The following DPP10 variants were observed in gnomAD, a reference collection of about 807,000 sequenced individuals.
DPP10 encodes inactive dipeptidyl peptidase 10.
Under a neutral mutation model 120.9 loss-of-function variants are expected in DPP10, and 33 were observed. That is an observed-to-expected ratio of 0.27 (90% CI 0.21 to 0.37). The LOEUF is 0.37. Among genes scored for constraint, DPP10 ranks in the 10% least tolerant of loss-of-function variants. DPP10 has a pLI of 1.00. For synonymous variants in DPP10, 337 were observed against 326.1 expected, an observed-to-expected ratio of 1.03 and a Z score of -0.36; for missense variants, 816 against 942.8, an observed-to-expected ratio of 0.87 and a Z score of 1.76.
At chr2:115,545,994 G>A (rs1051143718) in intron 5 of DPP10, among the ~76,000 whole-genome samples, 3 of 152,084 alleles carry the variant, frequency 2.0e-5, no homozygotes, top group Non-Finnish European at 4.4e-5. Flanking sequence ...TGCTAGTTCC[G>A]TTTCTATTTG....
chr2:115,462,424 C>T (rs928450256), intron 3 of DPP10, among the ~76,000 whole-genome samples: 9 of 152,198 alleles, frequency 5.9e-5, no homozygotes, highest in East Asian at 1.9e-4. Context: ...ATGTGAACTC[C>T]TAAAGTTTAA....
At chr2:115,010,725 C>A (rs908475246) in intron 1 of DPP10, among the ~76,000 whole-genome samples, 3 of 152,086 alleles carry the variant, frequency 2.0e-5, no homozygotes, top group Admixed American at 2.0e-4. Context: ...ATTTTATGAA[C>A]AAAATGTCTA....
At chr2:115,549,532 G>A (rs4849408) in intron 5 of DPP10, among the ~76,000 whole-genome samples, 28,416 of 151,856 alleles carry the variant, frequency 0.19, 3,336 homozygotes, top group East Asian at 0.39. Context: ...CCACTCCTTT[G>A]GTTTATTATA....
intron 7 of DPP10, among the ~76,000 whole-genome samples, chr2:115,712,265 G>A (rs988087978): frequency 6.6e-6 from 1 of 150,410 alleles, no homozygotes; most frequent in Non-Finnish European, 1.5e-5. Flanking sequence ...TAGCTCACAT[G>A]CATGGTTCAC....
intron 1 of DPP10, among the ~76,000 whole-genome samples, chr2:115,260,585 G>A (rs78404322): frequency 6.6e-5 from 10 of 152,312 alleles, no homozygotes; most frequent in Non-Finnish European, 1.2e-4. Context: ...GTTTCCTTGA[G>A]TGTAAGTTAC....
intron 1 of DPP10, among the ~76,000 whole-genome samples, chr2:114,772,216 G>A (rs1280398354): frequency 6.6e-6 from 1 of 151,766 alleles, no homozygotes; most frequent in Admixed American, 6.6e-5. Context: ...GGAGTGCAGT[G>A]GCATAATCTC....
intron 1 of DPP10, among the ~76,000 whole-genome samples, chr2:114,852,545 A>T (rs1425990292): frequency 2.6e-5 from 4 of 152,156 alleles, no homozygotes; most frequent in African/African-American, 9.7e-5. Flanking sequence ...TAAAGTACAC[A>T]AGAATGTGTG....
At chr2:115,119,018 G>A (rs1451073715) in intron 1 of DPP10, among the ~76,000 whole-genome samples, 2 of 152,134 alleles carry the variant, frequency 1.3e-5, no homozygotes, top group Non-Finnish European at 2.9e-5. Context: ...GGCAACTTGA[G>A]AAATCCAAGT....
At chr2:115,598,204 G>A (rs2083103191) in intron 5 of DPP10, among the ~76,000 whole-genome samples, 1 of 150,200 alleles carries the variant, frequency 6.7e-6, no homozygotes, top group Non-Finnish European at 1.5e-5. Context: ...TTTAATATTT[G>A]AACATAATCT....
At chr2:114,804,981 T>A (rs1003214100) in intron 1 of DPP10, among the ~76,000 whole-genome samples, 1 of 152,184 alleles carries the variant, frequency 6.6e-6, no homozygotes, top group Non-Finnish European at 1.5e-5. Context: ...CCACATGTTG[T>A]GGGAGGGACC....
chr2:114,601,075 A>G (rs1050174968), intron 1 of DPP10, among the ~76,000 whole-genome samples: 3 of 152,010 alleles, frequency 2.0e-5, no homozygotes, highest in South Asian at 4.1e-4. Context: ...AGCCTGTTAG[A>G]AACTTTTTCA....
At chr2:115,478,735 G>A (rs572212299) in intron 3 of DPP10, among the ~76,000 whole-genome samples, 1 of 152,146 alleles carries the variant, frequency 6.6e-6, no homozygotes, top group Admixed American at 6.5e-5. Flanking sequence ...ATAATTGATA[G>A]ACAAAGGAGT....
rs185810234 is a variant in DPP10 at position 115,392,764 on chromosome 2, T to C, written c.271+48852T>C. 1.2e-3 allele frequency among the ~76,000 whole-genome samples: 189 copies of C among 152,290 alleles called. 1 individual carries two copies. The Middle Eastern group carries it at 0.018, about 14-fold the overall frequency. ...TAAAATTGCATATAAATGCATTGTT[T>C]TAGACAGATTAATTCTTTATATTCA... On this transcript the variant is annotated intron_variant, in intron 3 of 25. Coordinates refer to ENST00000410059, the MANE Select transcript of DPP10 (RefSeq NM_020868.6).
chr2:115,235,590 C>G (rs1173338243), intron 1 of DPP10, among the ~76,000 whole-genome samples: 1 of 151,932 alleles, frequency 6.6e-6, no homozygotes, highest in Admixed American at 6.6e-5. Flanking sequence ...GAGACCGAGT[C>G]TCACTCTGTT....
intron 1 of DPP10, among the ~76,000 whole-genome samples, chr2:114,995,741 C>T (rs1276884278): frequency 1.3e-5 from 2 of 152,080 alleles, no homozygotes; most frequent in South Asian, 2.1e-4. Context: ...TTGTTTTACT[C>T]GTCTTTTAGT....
intron 1 of DPP10, among the ~76,000 whole-genome samples, chr2:114,804,907 G>A (rs933317423): frequency 3.9e-5 from 6 of 152,076 alleles, no homozygotes; most frequent in South Asian, 2.1e-4. Context: ...GGGCCAGGGC[G>A]GAATGATATA....
intron 1 of DPP10, among the ~76,000 whole-genome samples, chr2:115,113,014 A>C: frequency 6.6e-6 from 1 of 152,050 alleles, no homozygotes; most frequent in African/African-American, 2.4e-5. Context: ...AATTGATATA[A>C]GTTGTTTGCA....
intron 8 of DPP10, among the ~76,000 whole-genome samples, chr2:115,728,317 G>T (rs2092815418): frequency 6.7e-6 from 1 of 148,674 alleles, no homozygotes; most frequent in African/African-American, 2.5e-5. Context: ...TGCATAAAAA[G>T]CCACCTGATT....
At chr2:115,710,029 G>GAA (rs1275588970) in intron 7 of DPP10, among the ~76,000 whole-genome samples, 1 of 152,062 alleles carries the variant, frequency 6.6e-6, no homozygotes, top group East Asian at 1.9e-4. Flanking sequence ...CTGTGGAAGT[G>GAA]AACAGAGACA....
Sources: allele counts gnomAD v4.1 joint callset (sites outside exome capture counted in the v4.1 genomes callset), GRCh38; gene constraint gnomAD v4.1.1; transcripts MANE v1.5; gene names NCBI Gene and HGNC (gene_info 2026-07-23, HGNC 2026-07-21).